The following COG5 variants were observed in gnomAD, a reference collection of about 807,000 sequenced individuals.
COG5 encodes component of oligomeric golgi complex 5.
COG5 carries 86 observed loss-of-function variants against 110.4 expected under a neutral mutation model. The observed-to-expected ratio is 0.78, with a 90% confidence interval of 0.65 to 0.93. The LOEUF (loss-of-function observed/expected upper bound fraction) is 0.93, where lower values mean the gene tolerates loss of function less well. Among genes scored for constraint, COG5 ranks in the 40% least tolerant of loss-of-function variants. The pLI, the probability that COG5 is intolerant of heterozygous loss-of-function variation, is 0.00. For missense variants in COG5, 1,077 were observed against 987.0 expected (o/e 1.09, Z -1.22); for synonymous variants, 360 against 334.6 (o/e 1.08, Z -0.83).
At chr7:107,281,676 T>G (rs779983330) in intron 13 of COG5, among the ~76,000 whole-genome samples, 1 of 152,170 alleles carries the variant, frequency 6.6e-6, no homozygotes, top group Non-Finnish European at 1.5e-5. Context: ...GTGTACAGAT[T>G]TTTAAAGTAG....
chr7:107,377,546 T>C (rs781482268), intron 7 of COG5, among the ~76,000 whole-genome samples: 3 of 152,214 alleles, frequency 2.0e-5, no homozygotes, highest in Non-Finnish European at 4.4e-5. Flanking sequence ...TTGGATTTTG[T>C]ATTCCATTAC....
chr7:107,522,094 G>A (rs1270027167), intron 6 of COG5, among the ~76,000 whole-genome samples: 1 of 152,112 alleles, frequency 6.6e-6, no homozygotes. Context: ...CACAGGGAGG[G>A]GAACAACACA....
At chr7:107,415,193 T>C (rs1792630206) in intron 6 of COG5, among the ~76,000 whole-genome samples, 2 of 152,184 alleles carry the variant, frequency 1.3e-5, no homozygotes, top group African/African-American at 4.8e-5. Flanking sequence ...AATGCACGTA[T>C]GAAATTGGGT....
intron 6 of COG5, among the ~76,000 whole-genome samples, chr7:107,514,565 C>T (rs914509080): frequency 2.6e-5 from 4 of 152,112 alleles, no homozygotes; most frequent in African/African-American, 7.2e-5. Context: ...CAATTAAATG[C>T]TGCCACAGAG....
intron 16 of COG5, among the ~76,000 whole-genome samples, chr7:107,249,492 C>T (rs529978843): frequency 1.3e-5 from 2 of 151,996 alleles, no homozygotes; most frequent in South Asian, 4.2e-4. Flanking sequence ...AAAATAATGA[C>T]TGAGGCTCAA....
rs116487530 is a variant in COG5 at position 107,555,093 on chromosome 7, T to C, written c.235-751A>G. Among the ~76,000 whole-genome samples, 839 of 152,320 alleles carry C rather than the reference T, an allele frequency of 5.5e-3. 8 individuals carry two copies. Among genetic ancestry groups the C allele is most frequent in the African/African-American group, 0.019 (808 of 41,550 alleles). On this transcript the variant is annotated intron_variant, in intron 2 of 21. Transcript: ENST00000297135. ...CATCCTACTCTGGAAAGATACAGCA[T>C]TCAGTGCTCACCTATACCTGAACAT...
intron 7 of COG5, among the ~76,000 whole-genome samples, chr7:107,407,070 T>C (rs1221957095): frequency 6.6e-6 from 1 of 152,184 alleles, no homozygotes. Flanking sequence ...TTTGATAATT[T>C]GAGCAATCAT....
intron 19 of COG5, among the ~76,000 whole-genome samples, chr7:107,224,678 C>T (rs1432894023): frequency 6.6e-6 from 1 of 152,236 alleles, no homozygotes. Context: ...GCTTTGTGGC[C>T]TCTGGCCAGG....
At chr7:107,308,353 C>T (rs1399072872) in intron 11 of COG5, among the ~76,000 whole-genome samples, 4 of 152,080 alleles carry the variant, frequency 2.6e-5, no homozygotes, top group Non-Finnish European at 5.9e-5. Flanking sequence ...AAACACTGTC[C>T]AAGTGATTCT....
At chr7:107,236,351 T>C (rs1801190605) in intron 18 of COG5, 99 bp downstream of exon 18, 6 of 916,472 alleles carry the variant, frequency 6.5e-6, no homozygotes, top group Non-Finnish European at 1.1e-5. Context: ...TTCTTTGTGC[T>C]GCAACTCTTT....
intron 6 of COG5, among the ~76,000 whole-genome samples, chr7:107,522,992 C>T (rs181500521): frequency 1.2e-4 from 19 of 152,262 alleles, no homozygotes; most frequent in Middle Eastern, 3.4e-3. Flanking sequence ...TCTAGCTATT[C>T]GAGATCCTCT....
intron 11 of COG5, among the ~76,000 whole-genome samples, chr7:107,318,375 A>G (rs1397132780): frequency 2.6e-5 from 4 of 152,218 alleles, no homozygotes; most frequent in African/African-American, 9.6e-5. Context: ...GAGACGAAAT[A>G]TTCAAAGTAC....
rs545447848 is a variant in COG5 at position 107,452,368 on chromosome 7, C to T, written c.539-39736G>A. On this transcript the variant is annotated intron_variant, in intron 6 of 21. Transcript: ENST00000297135. ...TATAATATTTGGCCCTATCTCTCAACGCTTCCCTGTCTGATATGGTTTGGC... is the reference window on the plus strand; with the variant it reads ...TATAATATTTGGCCCTATCTCTCAATGCTTCCCTGTCTGATATGGTTTGGC... Among the ~76,000 whole-genome samples, 19 of 152,210 alleles carry T rather than the reference C, an allele frequency of 1.2e-4. No homozygotes were observed. In the South Asian group the frequency reaches 2.5e-3, roughly 20 times the overall value.
chr7:107,226,665 T>C (rs1800362817), intron 19 of COG5, among the ~76,000 whole-genome samples: 1 of 152,192 alleles, frequency 6.6e-6, no homozygotes, highest in African/African-American at 2.4e-5. Context: ...ATCTCTCTTC[T>C]TCTCATCTGA....
At position 107,386,948 on chromosome 7, in the gene COG5, G is replaced by A. The variant is rs544022776; in HGVS notation, c.670-14188C>T. Among the ~76,000 whole-genome samples the A allele has an allele frequency of 5.3e-5, 8 of 152,002 alleles. No homozygotes were observed. In the South Asian group the frequency reaches 6.2e-4, roughly 12 times the overall value. On this transcript the variant is annotated intron_variant, in intron 7 of 21. Coordinates refer to ENST00000297135, the MANE Select transcript of COG5 (RefSeq NM_006348.5). ...CTTTTCCCTCAGCCCCACTATCACC[G>A]GGCCAAAATAACAAAGAGGAAATGG...
chr7:107,533,222 A>G (rs1019901383), intron 5 of COG5, among the ~76,000 whole-genome samples: 1 of 149,322 alleles, frequency 6.7e-6, no homozygotes, highest in Non-Finnish European at 1.5e-5. Context: ...AAACCAGCAC[A>G]AAAAGGCTGA....
chr7:107,552,642 G>T (rs1802995775), intron 3 of COG5, among the ~76,000 whole-genome samples: 1 of 152,186 alleles, frequency 6.6e-6, no homozygotes, highest in Non-Finnish European at 1.5e-5. Flanking sequence ...TGCTGGTGAG[G>T]CTGTTGAGAA....
At chr7:107,427,200 G>C (rs1470510029) in intron 6 of COG5, among the ~76,000 whole-genome samples, 1 of 152,166 alleles carries the variant, frequency 6.6e-6, no homozygotes, top group African/African-American at 2.4e-5. Context: ...CAGCTGAAGA[G>C]TGGAGGTCAT....
chr7:107,238,894 C>T (rs1169094402), intron 17 of COG5, among the ~76,000 whole-genome samples: 1 of 152,030 alleles, frequency 6.6e-6, no homozygotes, highest in Non-Finnish European at 1.5e-5. Flanking sequence ...ACGTTAATCC[C>T]CGTATCAGAT....
Sources: allele counts gnomAD v4.1 joint callset (sites outside exome capture counted in the v4.1 genomes callset), GRCh38; gene constraint gnomAD v4.1.1; transcripts MANE v1.5; gene names NCBI Gene and HGNC (gene_info 2026-07-23, HGNC 2026-07-21).